Variants in YY1AP1 observed in about 807,000 individuals in gnomAD.
YY1AP1 encodes YY1-associated protein 1.
Under a neutral mutation model 39.9 loss-of-function variants are expected in YY1AP1, and 43 were observed. The ratio of observed to expected loss-of-function variants is 1.08; its 90% CI spans 0.84 to 1.39. The LOEUF (loss-of-function observed/expected upper bound fraction) is 1.39. Among genes scored for constraint, YY1AP1 ranks in the 40% most tolerant of loss-of-function variants. The pLI is 0.00. For synonymous variants in YY1AP1, 292 were observed against 331.3 expected, an observed-to-expected ratio of 0.88 and a Z score of 1.29; for missense variants, 813 against 900.7, an observed-to-expected ratio of 0.90 and a Z score of 1.25.
At chr1:155,677,957 G>A (rs1650960791) in intron 4 of YY1AP1, among the ~76,000 whole-genome samples, 1 of 152,180 alleles carries the variant, frequency 6.6e-6, no homozygotes, top group Non-Finnish European at 1.5e-5. Flanking sequence ...TGGACTTACA[G>A]AGGGATTTTT....
intron 7 of YY1AP1, among the ~76,000 whole-genome samples, chr1:155,672,064 G>A (rs1045649726): frequency 1.3e-5 from 2 of 152,088 alleles, no homozygotes; most frequent in Non-Finnish European, 2.9e-5. Flanking sequence ...TACTGAACAC[G>A]GCAAATGTAC....
chr1:155,671,830 T>C (rs1649911042), intron 7 of YY1AP1, among the ~76,000 whole-genome samples: 1 of 152,226 alleles, frequency 6.6e-6, no homozygotes, highest in African/African-American at 2.4e-5. Context: ...TCTGTGTCTA[T>C]GATATAGTAC....
chr1:155,668,422 C>G (rs1649368821), intron 9 of YY1AP1, among the ~76,000 whole-genome samples: 1 of 151,880 alleles, frequency 6.6e-6, no homozygotes, highest in Admixed American at 6.6e-5. Context: ...TTTGTGGAAT[C>G]TTTTAAGAGG....
intron 8 of YY1AP1, among the ~76,000 whole-genome samples, 174 bp downstream of exon 8, chr1:155,670,146 C>T (rs888837827): frequency 6.6e-6 from 1 of 152,134 alleles, no homozygotes; most frequent in African/African-American, 2.4e-5. Flanking sequence ...AACATCCCCC[C>T]AAAAAGCAGT....
At chr1:155,679,146 A>G (rs1651149991) in intron 4 of YY1AP1, 1 of 1,411,188 alleles carries the variant, frequency 7.1e-7, no homozygotes. Flanking sequence ...ATACCTCTCC[A>G]GCACCACTCA....
In YY1AP1 at chr1:155,660,304, C is replaced by T. The variant is rs766914733; in HGVS notation, c.1606G>A (p.Ala536Thr). 9 of 1,614,052 alleles carry T rather than the reference C, an allele frequency of 5.6e-6. No homozygotes were observed. Among genetic ancestry groups the T allele is most frequent in the African/African-American group, 1.3e-5 (1 of 74,918 alleles). The change falls in exon 11 of 11, where the codon GCC becomes ACC. Residue 536 changes from alanine to threonine, a missense_variant. Ala to Thr is a moderately conservative substitution (Grantham distance 58). This residue lies in a region of YY1AP1 where 586 missense variants were observed against 647.4 expected (regional missense o/e 0.91). Transcript: ENST00000355499. ...VRRRPSKRRGARAFRCIKPAP... is the reference protein window; with the variant it reads ...VRRRPSKRRGTRAFRCIKPAP... The stretch of plus-strand genomic sequence containing the variant: ...GGTTTGATACAGCGAAAGGCCCTGG[C>T]TCCCCTTCTTTTTGAGGGTCTCCGT...
chr1:155,673,179 C>T (rs1650106994), intron 6 of YY1AP1, among the ~76,000 whole-genome samples: 1 of 152,092 alleles, frequency 6.6e-6, no homozygotes, highest in African/African-American at 2.4e-5. Flanking sequence ...CCAAACCTAG[C>T]TGATTTTTGT....
intron 8 of YY1AP1, among the ~76,000 whole-genome samples, chr1:155,670,090 G>C (rs1034364083): frequency 6.6e-6 from 1 of 152,160 alleles, no homozygotes; most frequent in African/African-American, 2.4e-5. Context: ...TGGGATTACA[G>C]GTGGGAGCCG....
At chr1:155,665,339 C>T (rs554697149) in intron 9 of YY1AP1, among the ~76,000 whole-genome samples, 1 of 152,110 alleles carries the variant, frequency 6.6e-6, no homozygotes, top group African/African-American at 2.4e-5. Context: ...AATACTCACG[C>T]CTGTAATCCC....
intron 10 of YY1AP1, 140 bp from the exon 11 acceptor site, chr1:155,661,053 C>T: frequency 6.7e-7 from 1 of 1,500,650 alleles, no homozygotes; most frequent in South Asian, 1.3e-5. Context: ...ACAAAGACCA[C>T]AGTCCAATTA....
chr1:155,688,965 C>T (rs752907312), upstream of YY1AP1: 14 of 1,610,120 alleles, frequency 8.7e-6, 1 homozygote, highest in African/African-American at 1.5e-4. Context: ...TGCGGCTCGC[C>T]TCCTCCTCCA....
intron 9 of YY1AP1, 53 bp downstream of exon 9, chr1:155,668,574 G>T: frequency 6.2e-7 from 1 of 1,613,522 alleles, no homozygotes; most frequent in Non-Finnish European, 8.5e-7. Context: ...CAAGAGAAAA[G>T]AACAGATATG....
chr1:155,685,013 T>A (rs1420190876), intron 2 of YY1AP1, among the ~76,000 whole-genome samples: 1 of 152,154 alleles, frequency 6.6e-6, no homozygotes, highest in African/African-American at 2.4e-5. Context: ...TACCCAAAAA[T>A]GACATTAAGA....
rs1647835299 is a variant in YY1AP1 at position 155,660,198 on chromosome 1, C to T, written c.1712G>A (p.Cys571Tyr). ...CGCATTGACAGGCTGGATCATGTTACAGCCACCGCCAAGGCTCACAATCTT... is the reference window on the plus strand; with the variant it reads ...CGCATTGACAGGCTGGATCATGTTATAGCCACCGCCAAGGCTCACAATCTT... The part of the protein sequence containing the change: ...TVKIVSLGGG[C>Y]NMIQPVNAAV... Residue 571 changes from cysteine to tyrosine, a missense_variant, in exon 11 of 11, where the codon TGT becomes TAT. Around this residue, in one of 3 missense-constraint regions of YY1AP1, gnomAD observed 586 missense variants for 647.4 expected, o/e 0.91. Transcript: ENST00000355499. 7 of 1,614,204 alleles carry T rather than the reference C, an allele frequency of 4.3e-6. No individual in the cohort carries two copies. The highest frequency in any genetic ancestry group is 1.1e-5 in the South Asian group (1 of 91,086).
rs562843403 is a variant in YY1AP1, at chr1:155,682,545, G to A, written c.-20-2089C>T. ...TGGATAATTTTTTGTATTTTTAGTAGAGATGGGGTTTCATCATGTTGGCCA... is the reference window on the plus strand; with the variant it reads ...TGGATAATTTTTTGTATTTTTAGTAAAGATGGGGTTTCATCATGTTGGCCA... On this transcript the variant is annotated intron_variant, in intron 2 of 10. Coordinates refer to ENST00000355499, the MANE Select transcript of YY1AP1 (RefSeq NM_139119.3). Among the ~76,000 whole-genome samples the A allele has an allele frequency of 2.0e-5, 3 of 151,960 alleles. No individual in the cohort carries two copies. The East Asian group carries it at 5.9e-4, about 30-fold the overall frequency.
In YY1AP1 at chr1:155,659,782, G is replaced by C. The variant is rs1647738140; in HGVS notation, c.2128C>G (p.Gln710Glu). ...WTVVKTEEGR[Q>E]ALEPLPQGIQ... ...CCCTGAGGGAGCGGCTCCAGAGCTTGCCTTCCCTCCTCTGTTTTCACAACG... is the reference window on the plus strand; with the variant it reads ...CCCTGAGGGAGCGGCTCCAGAGCTTCCCTTCCCTCCTCTGTTTTCACAACG... Residue 710 changes from glutamine (Q) to glutamate (E), a missense_variant, in exon 11 of 11, where the codon CAA becomes GAA. Around this residue, in one of 3 missense-constraint regions of YY1AP1, gnomAD observed 586 missense variants for 647.4 expected, o/e 0.91. Coordinates refer to ENST00000355499, the MANE Select transcript of YY1AP1 (RefSeq NM_139119.3). 2.5e-6 allele frequency: 4 copies of C among 1,614,214 alleles called. No homozygotes were observed. Among genetic ancestry groups the C allele is most frequent in the Non-Finnish European group, 3.4e-6 (4 of 1,180,042 alleles).
chr1:155,685,892 T>C lies in YY1AP1; in HGVS notation c.-21+2179A>G, dbSNP rs548663042. Reference sequence around the variant, plus strand: ...AAGGATAAGTGACCCCAAAAAACTTTTAAGAACCACTAATCTAGCCTATCA... The same window carrying C: ...AAGGATAAGTGACCCCAAAAAACTTCTAAGAACCACTAATCTAGCCTATCA... On this transcript the variant is annotated intron_variant, in intron 2 of 10. Transcript: ENST00000355499. Among the ~76,000 whole-genome samples, 4 of 152,228 alleles carry C rather than the reference T, an allele frequency of 2.6e-5. No individual in the cohort carries two copies. In the East Asian group the frequency reaches 7.7e-4, roughly 29 times the overall value.
chr1:155,688,393 C>T (rs184679972), intron 1 of YY1AP1, 192 bp from the exon 2 acceptor site: 1 of 1,542,528 alleles, frequency 6.5e-7, no homozygotes, highest in Non-Finnish European at 8.8e-7. Context: ...CGCCTAGCGA[C>T]ACCCCCAACC....
rs1366840083 is a variant in YY1AP1, at chr1:155,672,568, T to C, written c.575A>G (p.Lys192Arg). The change falls in exon 7 of 11, where the codon AAG (lysine) becomes AGG (arginine). Residue 192 changes from lysine to arginine, a missense_variant. This residue lies in a region of YY1AP1 where 31 missense variants were observed against 63.7 expected (regional missense o/e 0.49). Coordinates refer to ENST00000355499, the MANE Select transcript of YY1AP1 (RefSeq NM_139119.3). ...ACACATCTGTCTCCTACCAGTCTTC[T>C]TGACAGTTTTATGAGGGCTGCAGTC... ...SIDCSPHKTV[K>R]KTANEFPCLP... 4.3e-6 allele frequency: 7 copies of C among 1,611,360 alleles called. No individual in the cohort carries two copies. The highest frequency in any genetic ancestry group is 4.0e-5 in the African/African-American group (3 of 74,858).
Sources: allele counts gnomAD v4.1 joint callset (sites outside exome capture counted in the v4.1 genomes callset), GRCh38; gene constraint gnomAD v4.1.1; regional missense constraint gnomAD v4.1.1; transcripts MANE v1.5; gene names NCBI Gene and HGNC (gene_info 2026-07-23, HGNC 2026-07-21).